The following GNG12 variants were observed in gnomAD, a reference collection of about 807,000 sequenced individuals.
GNG12 encodes the protein G protein subunit gamma 12.
For synonymous variants in GNG12, 28 were observed against 29.7 expected (o/e 0.94, Z 0.19); for missense variants, 69 against 83.8 (o/e 0.82, Z 0.69).
intron 2 of GNG12, among the ~76,000 whole-genome samples, chr1:67,726,109 C>T (rs535465659): frequency 3.9e-5 from 6 of 152,190 alleles, no homozygotes; most frequent in Non-Finnish European, 8.8e-5. Context: ...TAATTTCAGC[C>T]TCAGGTTTCT....
At chr1:67,719,938 A>G (rs1646347630) in intron 2 of GNG12, among the ~76,000 whole-genome samples, 1 of 152,218 alleles carries the variant, frequency 6.6e-6, no homozygotes, top group African/African-American at 2.4e-5. Context: ...AAGACATGCG[A>G]TGTAGCAACC....
chr1:67,812,427 G>A (rs568638122), intron 1 of GNG12, among the ~76,000 whole-genome samples: 7 of 152,302 alleles, frequency 4.6e-5, no homozygotes, highest in African/African-American at 1.7e-4. Context: ...CCCTGCTAAA[G>A]GTCACTGATA....
intron 1 of GNG12, among the ~76,000 whole-genome samples, chr1:67,802,722 G>A (rs1646873712): frequency 6.6e-6 from 1 of 152,064 alleles, no homozygotes; most frequent in Admixed American, 6.6e-5. Context: ...ACTACCCTCT[G>A]CCCCTGTCTA....
intron 2 of GNG12, among the ~76,000 whole-genome samples, chr1:67,767,007 C>T (rs919619344): frequency 6.6e-5 from 10 of 152,168 alleles, no homozygotes; most frequent in African/African-American, 2.4e-4. Context: ...GTGTGTGTGT[C>T]CCTGACCCAT....
chr1:67,815,995 G>C (rs550541954), intron 1 of GNG12, among the ~76,000 whole-genome samples: 1 of 152,158 alleles, frequency 6.6e-6, no homozygotes, highest in Admixed American at 6.5e-5. Context: ...GCCAGGGCTG[G>C]GTGCGGCCGG....
intron 2 of GNG12, among the ~76,000 whole-genome samples, chr1:67,711,087 T>C (rs1029590410): frequency 1.3e-5 from 2 of 152,174 alleles, no homozygotes; most frequent in African/African-American, 2.4e-5. Context: ...GGTACAAACA[T>C]GGATAGCCTC....
intron 1 of GNG12, among the ~76,000 whole-genome samples, chr1:67,786,935 A>ATGTGTGTGTGTG (rs60096043): frequency 1.7e-4 from 23 of 133,470 alleles, no homozygotes; most frequent in South Asian, 5.0e-4. Context: ...TTATATATAT[A>ATGTGTGTGTGTG]TGTGTGTGTG....
At chr1:67,832,026 C>A (rs1326567745) in intron 1 of GNG12, among the ~76,000 whole-genome samples, 1 of 152,192 alleles carries the variant, frequency 6.6e-6, no homozygotes, top group Non-Finnish European at 1.5e-5. Context: ...CAGACGCAGA[C>A]CCTGCCTCTG....
chr1:67,791,016 A>C (rs1041798149), intron 1 of GNG12, among the ~76,000 whole-genome samples: 1 of 152,158 alleles, frequency 6.6e-6, no homozygotes, highest in Non-Finnish European at 1.5e-5. Flanking sequence ...CTCTGGATGT[A>C]CTTATTTATA....
intron 1 of GNG12, among the ~76,000 whole-genome samples, chr1:67,792,977 G>A (rs559193361): frequency 1.3e-5 from 2 of 152,126 alleles, no homozygotes; most frequent in African/African-American, 2.4e-5. Context: ...GGGGACAGTC[G>A]TTCTCCCAGC....
At chr1:67,737,610 CT>C (rs35643307) in intron 2 of GNG12, among the ~76,000 whole-genome samples, 6,819 of 145,898 alleles carry the variant, frequency 0.047, 416 homozygotes, top group African/African-American at 0.15. Flanking sequence ...TGAAGACTTT[CT>C]TTTTTTTTTT....
chr1:67,716,468 GC>G (rs1371980963), intron 2 of GNG12, among the ~76,000 whole-genome samples: 1 of 152,202 alleles, frequency 6.6e-6, no homozygotes, highest in Non-Finnish European at 1.5e-5. Flanking sequence ...ATGCAGCATT[GC>G]ATTTAAGTCT....
intron 2 of GNG12, among the ~76,000 whole-genome samples, chr1:67,755,110 G>A (rs762227788): frequency 1.4e-4 from 21 of 152,272 alleles, no homozygotes; most frequent in Admixed American, 7.2e-4. Flanking sequence ...CCGCCTTGGC[G>A]TTGTTACAAG....
At chr1:67,761,874 G>A (rs1177931886) in intron 2 of GNG12, among the ~76,000 whole-genome samples, 2 of 152,070 alleles carry the variant, frequency 1.3e-5, no homozygotes, top group Non-Finnish European at 2.9e-5. Context: ...GGGACATTGA[G>A]TTTAATCACG....
At position 67,766,106 on chromosome 1, in the gene GNG12, G is replaced by GCGCA. The variant is rs1237928914; in HGVS notation, c.-27+11351_-27+11352insTGCG. On this transcript the variant is annotated intron_variant, in intron 2 of 3. Transcript: ENST00000370982. ...AACTCAAACAAAACAAGGCACACAC[G>GCGCA]CACACACACACACACACACACACAC... 1.1e-4 allele frequency among the ~76,000 whole-genome samples: 16 copies of GCGCA among 139,936 alleles called. No homozygotes were observed. The South Asian group carries it at 1.4e-3, about 12-fold the overall frequency. The allele number at this position is 139,936 out of a possible 152,430, so 91.8% of individuals were successfully genotyped here. A position where few individuals can be genotyped will look rare whatever the true frequency, so the allele number is the denominator to read the frequency against.
chr1:67,704,885 C>A lies in GNG12; in HGVS notation c.*566G>T, dbSNP rs1390174308. The A allele has an allele frequency of 6.6e-6, 1 of 152,126 alleles. No homozygotes were observed. The highest frequency in any genetic ancestry group is 2.4e-5 in the African/African-American group (1 of 41,392). The allele number at this position is 152,126 out of a possible 1,614,324, so 9.4% of individuals were successfully genotyped here. ...AATTTTTTATTCTACCTATACACAG[C>A]TCAAAATAAAGGTATAACTTCTGGA... On this transcript the variant is annotated 3_prime_UTR_variant, in exon 4 of 4. Transcript: ENST00000370982.
At chr1:67,783,110 T>C (rs1434759321) in intron 1 of GNG12, among the ~76,000 whole-genome samples, 1 of 152,208 alleles carries the variant, frequency 6.6e-6, no homozygotes, top group Non-Finnish European at 1.5e-5. Flanking sequence ...CTTAGCACAG[T>C]GCCACTAGGA....
intron 1 of GNG12, among the ~76,000 whole-genome samples, chr1:67,803,749 T>C (rs971762983): frequency 6.6e-6 from 1 of 152,202 alleles, no homozygotes; most frequent in African/African-American, 2.4e-5. Context: ...TGATGCAAGA[T>C]GAATACTTAG....
Position 67,751,133 on chromosome 1 carries a change from G to T in GNG12, c.-27+26325C>A, listed in dbSNP as rs1385334602. ...TTCACCCCCTCACCCACCCACCCAC[G>T]CATCCACTCATAGTCTACCAGGACT... On this transcript the variant is annotated intron_variant, in intron 2 of 3. Coordinates refer to ENST00000370982, the MANE Select transcript of GNG12 (RefSeq NM_018841.6). 2.3e-5 allele frequency among the ~76,000 whole-genome samples: 3 copies of T among 130,052 alleles called. No homozygotes were observed. In the Admixed American group the frequency reaches 2.3e-4, roughly 10 times the overall value. The allele number at this position is 130,052 out of a possible 152,430, so 85.3% of individuals were successfully genotyped here.
Sources: allele counts gnomAD v4.1 joint callset (sites outside exome capture counted in the v4.1 genomes callset), GRCh38; gene constraint gnomAD v4.1.1; transcripts MANE v1.5; gene names NCBI Gene and HGNC (gene_info 2026-07-23, HGNC 2026-07-21).